Variants in THSD4 observed in about 807,000 individuals in gnomAD.
The protein encoded by THSD4 is thrombospondin type 1 domain containing 4.
THSD4 carries 69 observed loss-of-function variants against 119.0 expected under a neutral mutation model. The observed-to-expected ratio is 0.58, with a 90% CI of 0.48 to 0.71. THSD4 has a LOEUF of 0.71. Ranked by LOEUF, THSD4 falls within the 30% of genes least tolerant of loss-of-function variation. The pLI is 0.00. For synonymous variants in THSD4, 524 were observed against 540.4 expected (o/e 0.97, Z 0.42); for missense variants, 1,393 against 1,391.1 (o/e 1.00, Z -0.02).
chr15:71,140,846 C>T (rs1245177985), intron 1 of THSD4, among the ~76,000 whole-genome samples: 2 of 152,192 alleles, frequency 1.3e-5, no homozygotes, highest in African/African-American at 2.4e-5. Flanking sequence ...ACTGTACCCT[C>T]CCATGAACTC....
In THSD4 at chr15:71,561,089, C is replaced by G. The variant is rs533128361; in HGVS notation, c.1153-99441C>G. ...TCCCGGGTTCACGCCATTCTCCTGC[C>G]TCAGCCTCCCGAGTAGCTGGGACTA... On this transcript the variant is annotated intron_variant, in intron 7 of 17. Coordinates refer to ENST00000261862, the MANE Select transcript of THSD4 (RefSeq NM_024817.3). 4.0e-5 allele frequency among the ~76,000 whole-genome samples: 6 copies of G among 151,822 alleles called. No homozygotes were observed. The South Asian group carries it at 1.3e-3, about 32-fold the overall frequency.
chr15:71,755,309 A>G (rs974286344), intron 14 of THSD4, among the ~76,000 whole-genome samples: 1 of 152,376 alleles, frequency 6.6e-6, no homozygotes, highest in South Asian at 2.1e-4. Flanking sequence ...TTGATCGCTC[A>G]TGCTGGCATG....
chr15:71,501,103 C>A (rs2048106299), intron 7 of THSD4, among the ~76,000 whole-genome samples: 1 of 152,090 alleles, frequency 6.6e-6, no homozygotes, highest in African/African-American at 2.4e-5. Flanking sequence ...GTGTTCTAAT[C>A]CATGAACATG....
At chr15:71,641,545 G>T (rs2050858404) in intron 7 of THSD4, among the ~76,000 whole-genome samples, 1 of 152,028 alleles carries the variant, frequency 6.6e-6, no homozygotes, top group Non-Finnish European at 1.5e-5. Flanking sequence ...TATGCGTCTT[G>T]CCTGAGGTCA....
At chr15:71,584,262 C>CTTTTTTTTTTTTTTTTTTTTTTTTTTTT in intron 7 of THSD4, among the ~76,000 whole-genome samples, 1 of 61,800 alleles carries the variant, frequency 1.6e-5, no homozygotes, top group Admixed American at 2.4e-4. Context: ...TTTTCACTTT[C>CTTTTTTTTTTTTTTTTTTTTTTTTTTTT]TTTTTTTTTT....
intron 6 of THSD4, among the ~76,000 whole-genome samples, chr15:71,279,831 A>T (rs888239820): frequency 1.3e-5 from 2 of 152,076 alleles, no homozygotes; most frequent in African/African-American, 4.8e-5. Context: ...GCATTGATTC[A>T]TGCAGTCACT....
intron 6 of THSD4, among the ~76,000 whole-genome samples, chr15:71,295,039 C>T (rs1055914030): frequency 6.6e-6 from 1 of 151,692 alleles, no homozygotes; most frequent in African/African-American, 2.4e-5. Context: ...GTGGCGCTTG[C>T]GTCAGGGAAT....
At chr15:71,547,306 A>C in intron 7 of THSD4, 2 of 1,522,446 alleles carry the variant, frequency 1.3e-6, no homozygotes, top group Non-Finnish European at 1.8e-6. Context: ...CGCGGTGCCT[A>C]GCGGAACTCC....
chr15:71,289,976 TG>T (rs1038747683), intron 6 of THSD4, among the ~76,000 whole-genome samples: 2 of 152,096 alleles, frequency 1.3e-5, no homozygotes, highest in African/African-American at 2.4e-5. Flanking sequence ...TGCCCGGGCA[TG>T]GGGGGAGTAT....
intron 7 of THSD4, among the ~76,000 whole-genome samples, chr15:71,458,994 C>G (rs1290437274): frequency 6.6e-6 from 1 of 152,064 alleles, no homozygotes. Context: ...GGAACTTTCT[C>G]TGCTTGACTA....
intron 6 of THSD4, among the ~76,000 whole-genome samples, chr15:71,296,291 C>T (rs1439230807): frequency 6.6e-6 from 1 of 152,166 alleles, no homozygotes; most frequent in Non-Finnish European, 1.5e-5. Flanking sequence ...TAAGGGTTAC[C>T]CTCTGGAGAG....
Position 71,593,567 on chromosome 15 carries a change from T to C in THSD4, c.1153-66963T>C, listed in dbSNP as rs532661111. Among the ~76,000 whole-genome samples, 23 of 152,168 alleles carry C rather than the reference T, an allele frequency of 1.5e-4. No individual in the cohort carries two copies. The East Asian group carries it at 4.4e-3, about 29-fold the overall frequency. On this transcript the variant is annotated intron_variant, in intron 7 of 17. Transcript: ENST00000261862. ...CAGGATGACAGTGCCCTCCTACCTG[T>C]TCCTGCTCTTCTGTCCTCGGTGTTT...
chr15:71,137,341 C>T (rs1002140857), intron 1 of THSD4, among the ~76,000 whole-genome samples: 3 of 152,094 alleles, frequency 2.0e-5, no homozygotes, highest in South Asian at 2.1e-4. Flanking sequence ...ATTGGCCTGG[C>T]GCCACCTTTC....
chr15:71,424,191 G>T (rs1278490210), intron 7 of THSD4, among the ~76,000 whole-genome samples: 2 of 152,072 alleles, frequency 1.3e-5, no homozygotes, highest in Admixed American at 6.5e-5. Context: ...TTTAATAAAT[G>T]GTTGTTAAAT....
At chr15:71,351,305 G>T (rs886930725) in intron 6 of THSD4, among the ~76,000 whole-genome samples, 4 of 152,136 alleles carry the variant, frequency 2.6e-5, no homozygotes, top group Non-Finnish European at 4.4e-5. Context: ...GATACCTGGT[G>T]CTGAGCTGAG....
intron 7 of THSD4, among the ~76,000 whole-genome samples, chr15:71,543,571 A>T (rs1475363251): frequency 2.6e-5 from 4 of 152,200 alleles, no homozygotes; most frequent in Non-Finnish European, 5.9e-5. Flanking sequence ...TCATTTACTG[A>T]GATGGAGGAA....
At chr15:71,354,685 A>G (rs2045785711) in intron 6 of THSD4, among the ~76,000 whole-genome samples, 1 of 152,170 alleles carries the variant, frequency 6.6e-6, no homozygotes, top group Non-Finnish European at 1.5e-5. Flanking sequence ...AATTACACCC[A>G]ATCAGAAAAT....
At chr15:71,340,169 G>A (rs1235613088) in intron 6 of THSD4, among the ~76,000 whole-genome samples, 2 of 152,224 alleles carry the variant, frequency 1.3e-5, no homozygotes, top group African/African-American at 2.4e-5. Context: ...TTTGTACTGT[G>A]TGTCTCCCTG....
chr15:71,584,241 G>A (rs1048276905), intron 7 of THSD4, among the ~76,000 whole-genome samples: 13 of 114,140 alleles, frequency 1.1e-4, no homozygotes, highest in African/African-American at 2.6e-4. Flanking sequence ...TACCATTCAC[G>A]TGGATTTTTT....
Sources: allele counts gnomAD v4.1 joint callset (sites outside exome capture counted in the v4.1 genomes callset), GRCh38; gene constraint gnomAD v4.1.1; transcripts MANE v1.5; gene names NCBI Gene and HGNC (gene_info 2026-07-23, HGNC 2026-07-21).